Variants in SMOC2 observed in about 807,000 individuals in gnomAD.
SMOC2 encodes the protein SPARC related modular calcium binding 2.
A neutral mutation model predicts 61.4 loss-of-function variants in SMOC2; 39 were observed. That is an observed-to-expected ratio of 0.64 (90% CI 0.49 to 0.83). The LOEUF is 0.83. Among genes scored for constraint, SMOC2 ranks in the 40% least tolerant of loss-of-function variants. SMOC2 has a pLI of 0.00. For missense variants in SMOC2, 556 were observed against 592.9 expected, an observed-to-expected ratio of 0.94 and a Z score of 0.65; for synonymous variants, 247 against 239.9, an observed-to-expected ratio of 1.03 and a Z score of -0.27.
chr6:168,606,500 C>A (rs9456238), intron 8 of SMOC2, among the ~76,000 whole-genome samples: 22,549 of 152,062 alleles, frequency 0.15, 1,854 homozygotes, highest in South Asian at 0.27. Flanking sequence ...GGGGTCCTCT[C>A]ACTGGGACTG....
Position 168,523,278 on chromosome 6 carries a change from C to T in SMOC2, c.257-3068C>T, listed in dbSNP as rs1358110104. On this transcript the variant is annotated intron_variant, in intron 2 of 12. Coordinates refer to ENST00000356284, the MANE Select transcript of SMOC2 (RefSeq NM_001166412.2). ...TAATTTTTTGTATTTTTAGTAGAGA[C>T]GGGGTTTCACCTTGTTAGCCAGGAT... Among the ~76,000 whole-genome samples, 8 of 146,498 alleles carry T rather than the reference C, an allele frequency of 5.5e-5. No homozygotes were observed. In the South Asian group the frequency reaches 6.8e-4, roughly 12 times the overall value.
intron 9 of SMOC2, among the ~76,000 whole-genome samples, chr6:168,615,642 CAT>C: frequency 1.0e-5 from 1 of 100,262 alleles, no homozygotes; most frequent in East Asian, 3.2e-4. Flanking sequence ...AGGGCCTCTT[CAT>C]ACCTACAGCC....
At chr6:168,543,168 A>G (rs935744588) in intron 4 of SMOC2, among the ~76,000 whole-genome samples, 1 of 152,228 alleles carries the variant, frequency 6.6e-6, no homozygotes, top group Non-Finnish European at 1.5e-5. Context: ...TCAATACTCT[A>G]CCAAAAGGTA....
At chr6:168,601,784 C>T (rs1034693646) in intron 8 of SMOC2, among the ~76,000 whole-genome samples, 2 of 152,194 alleles carry the variant, frequency 1.3e-5, no homozygotes, top group Non-Finnish European at 2.9e-5. Context: ...GCCTGAAGAA[C>T]CTGCCAACGT....
intron 1 of SMOC2, among the ~76,000 whole-genome samples, chr6:168,476,534 C>CTAA: frequency 6.6e-6 from 1 of 151,538 alleles, no homozygotes; most frequent in Middle Eastern, 3.4e-3. Flanking sequence ...GGGTCATATT[C>CTAA]TATATTTGTA....
chr6:168,489,352 TATATC>T (rs1056904582), intron 1 of SMOC2, among the ~76,000 whole-genome samples: 6 of 150,466 alleles, frequency 4.0e-5, no homozygotes, highest in Admixed American at 1.3e-4. Flanking sequence ...TAGAGTGAAA[TATATC>T]AAATCATCTG....
intron 2 of SMOC2, among the ~76,000 whole-genome samples, chr6:168,520,777 C>T (rs1193512188): frequency 1.3e-5 from 2 of 152,204 alleles, no homozygotes; most frequent in Non-Finnish European, 2.9e-5. Context: ...TCACTTTTGC[C>T]TAGCTTAGTG....
chr6:168,550,676 G>C (rs1328519172), intron 7 of SMOC2, among the ~76,000 whole-genome samples: 2 of 152,148 alleles, frequency 1.3e-5, no homozygotes, highest in African/African-American at 4.8e-5. Flanking sequence ...AGATGAGGAA[G>C]GGCAAACCCC....
chr6:168,466,552 G>A (rs1781838500), intron 1 of SMOC2, among the ~76,000 whole-genome samples: 1 of 152,198 alleles, frequency 6.6e-6, no homozygotes, highest in Non-Finnish European at 1.5e-5. Context: ...GAGATGAGGA[G>A]GTCACTTCCA....
rs542827278 is a variant in SMOC2, at chr6:168,653,044, C to T, written c.1101C>T (p.Ile367=). Residue 367 remains isoleucine, a synonymous_variant, in exon 11 of 13, where the codon ATC becomes ATT. Transcript: ENST00000356284. ...KLLDKNSSGD[I]GKKEIKPFKR... ...TGGATAAAAACTCCAGTGGAGACAT[C>T]GGCAAAAAGGAAATCAAACCCTTCA... is the stretch of plus-strand genomic sequence containing the variant. 1.6e-5 allele frequency: 26 copies of T among 1,614,012 alleles called. No individual in the cohort carries two copies. Among genetic ancestry groups the T allele is most frequent in the East Asian group, 6.7e-5 (3 of 44,874 alleles).
intron 1 of SMOC2, among the ~76,000 whole-genome samples, chr6:168,509,235 T>G (rs964896703): frequency 1.3e-5 from 2 of 152,230 alleles, no homozygotes; most frequent in African/African-American, 2.4e-5. Context: ...GGAGCACACA[T>G]GGCCATTAGG....
intron 2 of SMOC2, among the ~76,000 whole-genome samples, chr6:168,525,157 A>G (rs1336375797): frequency 1.3e-5 from 2 of 152,262 alleles, no homozygotes; most frequent in Admixed American, 6.5e-5. Context: ...TTAAAATTCA[A>G]ATAAGCTATA....
intron 1 of SMOC2, among the ~76,000 whole-genome samples, chr6:168,441,854 G>A (rs2114984928): frequency 6.6e-6 from 1 of 152,238 alleles, no homozygotes; most frequent in Admixed American, 6.5e-5. Flanking sequence ...AGCCTGTGGG[G>A]AACCAGGTCT....
intron 9 of SMOC2, among the ~76,000 whole-genome samples, chr6:168,627,419 T>G (rs952547081): frequency 6.6e-6 from 1 of 152,218 alleles, no homozygotes; most frequent in African/African-American, 2.4e-5. Flanking sequence ...CATGCTGAGC[T>G]TTTAATTTTT....
At chr6:168,552,585 A>G (rs1784151989) in intron 7 of SMOC2, among the ~76,000 whole-genome samples, 1 of 152,238 alleles carries the variant, frequency 6.6e-6, no homozygotes, top group South Asian at 2.1e-4. Context: ...ATGCATCCAA[A>G]TGCCCATGTG....
intron 11 of SMOC2, among the ~76,000 whole-genome samples, chr6:168,658,568 T>C (rs796710104): frequency 9.8e-5 from 15 of 152,294 alleles, no homozygotes; most frequent in African/African-American, 2.4e-4. Context: ...ATGTGGTCCA[T>C]GGCCCTTGCT....
At chr6:168,610,730 G>A (rs1785836896) in intron 9 of SMOC2, among the ~76,000 whole-genome samples, 1 of 152,190 alleles carries the variant, frequency 6.6e-6, no homozygotes, top group African/African-American at 2.4e-5. Flanking sequence ...GTGTTTGGCA[G>A]CAAACGATCA....
chr6:168,486,896 A>G (rs1451581040), intron 1 of SMOC2, among the ~76,000 whole-genome samples: 1 of 152,180 alleles, frequency 6.6e-6, no homozygotes, highest in Non-Finnish European at 1.5e-5. Flanking sequence ...GAAGAAAATC[A>G]TAAACCAACG....
intron 3 of SMOC2, among the ~76,000 whole-genome samples, chr6:168,527,100 T>G (rs2115075624): frequency 6.6e-6 from 1 of 152,312 alleles, no homozygotes; most frequent in African/African-American, 2.4e-5. Context: ...GCCCATTGGG[T>G]GATGATGTGA....
Sources: gnomAD v4.1 joint callset for allele counts (sites outside exome capture counted in the v4.1 genomes callset) on GRCh38, gnomAD v4.1.1 for gene constraint, MANE v1.5 for transcripts, NCBI Gene and HGNC (gene_info 2026-07-23, HGNC 2026-07-21) for gene names.